Variants in AADAC observed in about 807,000 individuals in gnomAD.
The protein encoded by AADAC is arylacetamide deacetylase (esterase).
In AADAC, 17 loss-of-function variants were observed where a neutral mutation model predicts 22.7. The observed-to-expected ratio is 0.75, with a 90% CI of 0.51 to 1.12. AADAC has a LOEUF of 1.12. AADAC is among the 50% of genes most tolerant of loss of function. The pLI, the probability that AADAC is intolerant of heterozygous loss-of-function variation, is 0.00. For missense variants in AADAC, 465 were observed against 473.9 expected (o/e 0.98, Z 0.17); for synonymous variants, 167 against 176.3 (o/e 0.95, Z 0.42).
At chr3:151,823,128 A>C (rs2108032401) in intron 3 of AADAC, among the ~76,000 whole-genome samples, 1 of 151,900 alleles carries the variant, frequency 6.6e-6, no homozygotes, top group Admixed American at 6.5e-5. Context: ...AAATACAAAA[A>C]TTAGCCGGGT....
chr3:151,820,512 C>T lies in AADAC; in HGVS notation c.431+60C>T, dbSNP rs547718608. Reference sequence around the variant, plus strand: ...GTCTGACATGCCAAGATTTTCTCAGCTTTCTTTTTTTTTTTTTTTTTTTGT... The same window carrying T: ...GTCTGACATGCCAAGATTTTCTCAGTTTTCTTTTTTTTTTTTTTTTTTTGT... On this transcript the variant is annotated intron_variant, in intron 3 of 4. Transcript: ENST00000232892. 5.1e-4 allele frequency: 315 copies of T among 615,158 alleles called. 2 individuals carry two copies. Among genetic ancestry groups the T allele is most frequent in the Non-Finnish European group, 6.3e-4 (275 of 435,340 alleles). 38.1% of individuals were successfully genotyped at this position (615,158 alleles called of 1,614,324 possible).
In AADAC at chr3:151,817,357, C is replaced by A. The variant is rs772754271; in HGVS notation, c.139-9C>A. 1.2e-6 allele frequency: 2 copies of A among 1,607,352 alleles called. No individual in the cohort carries two copies. The highest frequency in any genetic ancestry group is 2.2e-5 in the South Asian group (2 of 90,802). On this transcript the variant is annotated splice_polypyrimidine_tract_variant and intron_variant, in intron 1 of 4. Coordinates refer to ENST00000232892, the MANE Select transcript of AADAC (RefSeq NM_001086.3). ...TGAATTTCAGGAGGTTTGTGAATTT[C>A]ATTTTTAGGCTACATTTGTGGAGCT...
At chr3:151,817,824 C>A (rs975494049) in intron 2 of AADAC, among the ~76,000 whole-genome samples, 1 of 152,098 alleles carries the variant, frequency 6.6e-6, no homozygotes, top group East Asian at 1.9e-4. Context: ...CTATTTATCA[C>A]AATTACTCTA....
intron 3 of AADAC, 85 bp downstream of exon 3, chr3:151,820,537 T>C: frequency 1.1e-6 from 1 of 886,190 alleles, no homozygotes; most frequent in Non-Finnish European, 1.6e-6. Context: ...TTTTTTTTTG[T>C]GATGGAGTCT....
intron 3 of AADAC, 64 bp downstream of exon 3, chr3:151,820,516 C>CTT (rs34039248): frequency 0.058 from 23,476 of 406,046 alleles, 162 homozygotes; most frequent in Non-Finnish European, 0.066. Context: ...TCTCAGCTTT[C>CTT]TTTTTTTTTT....
At chr3:151,816,923 C>G (rs1232018490) in intron 1 of AADAC, among the ~76,000 whole-genome samples, 1 of 152,048 alleles carries the variant, frequency 6.6e-6, no homozygotes, top group East Asian at 1.9e-4. Context: ...TCAGAGAGAA[C>G]AGATGGTAAA....
Position 151,817,521 on chromosome 3 carries a change from A to T in AADAC, c.294A>T (p.Arg98Ser). The stretch of plus-strand genomic sequence containing the variant: ...TTGTTCGGGTATATGTGCCAAAGAG[A>T]AAGTCTGAAGCACTAAGAAGGGGGT... ...NILVRVYVPKRKSEALRRGLF... is the reference protein window; with the variant it reads ...NILVRVYVPKSKSEALRRGLF... Residue 98 changes from arginine to serine, a missense_variant, in exon 2 of 5, where the codon AGA becomes AGT. Arg to Ser is a moderately radical substitution (Grantham distance 110, BLOSUM62 -1). Transcript: ENST00000232892. The T allele has an allele frequency of 6.2e-7, 1 of 1,613,822 alleles. No individual in the cohort carries two copies. The highest frequency in any genetic ancestry group is 2.2e-5 in the East Asian group (1 of 44,886).
At chr3:151,817,317 T>C in intron 1 of AADAC, 49 bp from the exon 2 acceptor site, 2 of 1,521,580 alleles carry the variant, frequency 1.3e-6, no homozygotes, top group Non-Finnish European at 1.8e-6. Context: ...ATAGATCTCT[T>C]TGCCATTTGA....
chr3:151,816,721 C>T (rs1247133517), intron 1 of AADAC, among the ~76,000 whole-genome samples: 1 of 151,800 alleles, frequency 6.6e-6, no homozygotes. Flanking sequence ...AATAGACTTA[C>T]AAAATATAAA....
chr3:151,828,086 T>A lies in AADAC; in HGVS notation c.1114T>A (p.Phe372Ile), dbSNP rs775393645. Residue 372 changes from phenylalanine to isoleucine, a missense_variant, in exon 5 of 5, where the codon TTC becomes ATC. By Grantham distance (21) the Phe-to-Ile change is conservative (BLOSUM62 0). Transcript: ENST00000232892. ...QVTHNHVEDGFHGAFSFLGLK... is the reference protein window; with the variant it reads ...QVTHNHVEDGIHGAFSFLGLK... Reference sequence around the variant, plus strand: ...GACTCATAACCATGTTGAGGATGGATTCCATGGAGCATTTTCATTTCTGGG... The same window carrying A: ...GACTCATAACCATGTTGAGGATGGAATCCATGGAGCATTTTCATTTCTGGG... The A allele has an allele frequency of 9.3e-6, 15 of 1,612,404 alleles. No homozygotes were observed. In the East Asian group the frequency reaches 3.1e-4, roughly 34 times the overall value.
chr3:151,823,911 T>C (rs1576644706), intron 3 of AADAC, among the ~76,000 whole-genome samples: 2 of 152,186 alleles, frequency 1.3e-5, no homozygotes, highest in Non-Finnish European at 1.5e-5. Context: ...TTATTGTTTG[T>C]TTAATTATTT....
At chr3:151,823,371 A>G (rs1293616152) in intron 3 of AADAC, among the ~76,000 whole-genome samples, 1 of 152,014 alleles carries the variant, frequency 6.6e-6, no homozygotes, top group Non-Finnish European at 1.5e-5. Flanking sequence ...GGGTATAGAC[A>G]TATGTATACT....
At chr3:151,814,423 G>A in intron 1 of AADAC, 123 bp downstream of exon 1, 1 of 1,044,272 alleles carries the variant, frequency 9.6e-7, no homozygotes, top group Non-Finnish European at 1.3e-6. Context: ...TAACTGCTGT[G>A]GCCTTTGACA....
intron 4 of AADAC, among the ~76,000 whole-genome samples, chr3:151,825,452 T>C (rs1436450136): frequency 6.6e-6 from 1 of 151,656 alleles, no homozygotes; most frequent in African/African-American, 2.4e-5. Flanking sequence ...AGTAGGTGAA[T>C]GAGATCATGT....
At position 151,828,278 on chromosome 3, in the gene AADAC, T is replaced by A; in HGVS notation, c.*106T>A. The stretch of plus-strand genomic sequence containing the variant: ...GAATGGTCTAGTTAAGTTCCACATG[T>A]AGCATAATTCTTAAATAGGCACTTT... On this transcript the variant is annotated 3_prime_UTR_variant, in exon 5 of 5. Transcript: ENST00000232892. 1 of 597,044 alleles carries A rather than the reference T, an allele frequency of 1.7e-6. No homozygotes were observed. Among genetic ancestry groups the A allele is most frequent in the Non-Finnish European group, 2.6e-6 (1 of 384,212 alleles). 37.0% of individuals were successfully genotyped at this position (597,044 alleles called of 1,614,324 possible). A position where few individuals can be genotyped will look rare whatever the true frequency, so the allele number is the denominator to read the frequency against.
chr3:151,824,105 T>C (rs981765302), intron 3 of AADAC, among the ~76,000 whole-genome samples: 1 of 151,956 alleles, frequency 6.6e-6, no homozygotes, highest in Non-Finnish European at 1.5e-5. Flanking sequence ...CAACCATCTT[T>C]TCACTCTGAT....
At chr3:151,825,175 C>T (rs1245444002) in intron 4 of AADAC, among the ~76,000 whole-genome samples, 1 of 142,418 alleles carries the variant, frequency 7.0e-6, no homozygotes, top group African/African-American at 2.6e-5. Flanking sequence ...AGTTTGATAG[C>T]AGCTTGGGAA....
At chr3:151,816,617 A>G (rs1259263153) in intron 1 of AADAC, among the ~76,000 whole-genome samples, 1 of 152,080 alleles carries the variant, frequency 6.6e-6, no homozygotes, top group East Asian at 1.9e-4. Flanking sequence ...AGGGGTCACA[A>G]TAAAACTTCA....
chr3:151,827,653 A>C lies in AADAC; in HGVS notation c.681A>C (p.Val227=). Residue 227 remains valine, a synonymous_variant, in exon 5 of 5, where the codon GTA becomes GTC. Transcript: ENST00000232892. ...LIYPALQPLD[V]DLPSYQENSN... ...ATCCTGCCCTTCAGCCTCTTGATGTAGATTTACCGTCATATCAAGAAAATT... is the reference window on the plus strand; with the variant it reads ...ATCCTGCCCTTCAGCCTCTTGATGTCGATTTACCGTCATATCAAGAAAATT... 13 of 1,612,038 alleles carry C rather than the reference A, an allele frequency of 8.1e-6. No individual in the cohort carries two copies. The highest frequency in any genetic ancestry group is 1.1e-5 in the Non-Finnish European group (13 of 1,178,710).
Sources: allele counts gnomAD v4.1 joint callset (sites outside exome capture counted in the v4.1 genomes callset), GRCh38; gene constraint gnomAD v4.1.1; transcripts MANE v1.5; gene names NCBI Gene and HGNC (gene_info 2026-07-23, HGNC 2026-07-21).